Variants in RALGPS2 observed in about 807,000 individuals in gnomAD.
The protein encoded by RALGPS2 is ras-specific guanine nucleotide-releasing factor RalGPS2.
In RALGPS2, 43 loss-of-function variants were observed where a neutral mutation model predicts 86.8. That is an observed-to-expected ratio of 0.50 (90% CI 0.39 to 0.64). The LOEUF (loss-of-function observed/expected upper bound fraction) is 0.64, where lower values mean the gene tolerates loss of function less well. Among genes scored for constraint, RALGPS2 ranks in the 30% least tolerant of loss-of-function variants. The pLI, the probability that RALGPS2 is intolerant of heterozygous loss-of-function variation, is 0.00. For synonymous variants in RALGPS2, 243 were observed against 231.3 expected (o/e 1.05, Z -0.46); for missense variants, 536 against 694.6 (o/e 0.77, Z 2.57).
chr1:178,770,366 T>C (rs142806036), intron 1 of RALGPS2, among the ~76,000 whole-genome samples: 154 of 152,228 alleles, frequency 1.0e-3, no homozygotes, highest in African/African-American at 3.7e-3. Context: ...TCCAAGTGGC[T>C]GATGCATGCT....
At chr1:178,753,829 G>C (rs1651807256) in intron 1 of RALGPS2, 1 of 152,134 alleles carries the variant, frequency 6.6e-6, no homozygotes, top group African/African-American at 2.4e-5. Context: ...AAAATTTGCA[G>C]GTTGAAGGTT....
At chr1:178,791,979 T>C (rs534226534) in intron 4 of RALGPS2, among the ~76,000 whole-genome samples, 3 of 152,358 alleles carry the variant, frequency 2.0e-5, no homozygotes, top group Non-Finnish European at 4.4e-5. Flanking sequence ...GTACAAAGAT[T>C]GTCCTTGGTC....
intron 8 of RALGPS2, among the ~76,000 whole-genome samples, chr1:178,876,841 G>A (rs1242218184): frequency 6.6e-6 from 1 of 152,106 alleles, no homozygotes; most frequent in Non-Finnish European, 1.5e-5. Flanking sequence ...AAAAAGCATG[G>A]AGGGTAAGAA....
chr1:178,785,322 A>C (rs1653597547), intron 3 of RALGPS2, among the ~76,000 whole-genome samples: 1 of 151,894 alleles, frequency 6.6e-6, no homozygotes, highest in African/African-American at 2.4e-5. Flanking sequence ...AAATTTTTAA[A>C]ATTATTTTTA....
intron 8 of RALGPS2, among the ~76,000 whole-genome samples, chr1:178,846,045 T>C (rs1656850484): frequency 6.6e-6 from 1 of 152,214 alleles, no homozygotes; most frequent in Admixed American, 6.5e-5. Context: ...CAGTAGAATA[T>C]AGTTATTTAG....
intron 1 of RALGPS2, among the ~76,000 whole-genome samples, chr1:178,752,818 A>G (rs2102047688): frequency 6.6e-6 from 1 of 152,340 alleles, no homozygotes; most frequent in East Asian, 1.9e-4. Flanking sequence ...GGTCTGTTGT[A>G]GGGGAAGTCA....
chr1:178,796,348 A>G (rs1400394829), intron 4 of RALGPS2, among the ~76,000 whole-genome samples: 1 of 152,208 alleles, frequency 6.6e-6, no homozygotes, highest in African/African-American at 2.4e-5. Context: ...AGATATAGGA[A>G]TAGTAGTGAG....
At position 178,852,675 on chromosome 1, in the gene RALGPS2, A is replaced by G. The variant is rs564307595; in HGVS notation, c.607+19125A>G. 26 of 1,602,972 alleles carry G rather than the reference A, an allele frequency of 1.6e-5. No individual in the cohort carries two copies. In the East Asian group the frequency reaches 5.6e-4, roughly 34 times the overall value. ...ATTCTACAAAGAATGAAAGTTTTTC[A>G]TACTTACCTGCATACATATCTTTAT... is the stretch of plus-strand genomic sequence containing the variant. On this transcript the variant is annotated intron_variant, in intron 8 of 19. Transcript: ENST00000367635.
At chr1:178,883,674 G>T in intron 11 of RALGPS2, 141 bp downstream of exon 11, 1 of 720,032 alleles carries the variant, frequency 1.4e-6, no homozygotes, top group Non-Finnish European at 2.2e-6. Flanking sequence ...GTCCTTTCTG[G>T]GTTTTTTGGT....
At chr1:178,875,391 G>A (rs1658954142) in intron 8 of RALGPS2, among the ~76,000 whole-genome samples, 1 of 152,148 alleles carries the variant, frequency 6.6e-6, no homozygotes, top group Admixed American at 6.5e-5. Flanking sequence ...TTATCTTGAG[G>A]CGTGGGATCA....
chr1:178,762,048 C>T (rs973442538), intron 1 of RALGPS2, among the ~76,000 whole-genome samples: 2 of 152,070 alleles, frequency 1.3e-5, no homozygotes, highest in Non-Finnish European at 2.9e-5. Context: ...GTCAGTTGTT[C>T]CCCTCTTTGT....
intron 8 of RALGPS2, chr1:178,851,346 A>G (rs770335997): frequency 1.3e-6 from 2 of 1,582,786 alleles, no homozygotes; most frequent in African/African-American, 2.7e-5. Context: ...ATATAAATGT[A>G]AAAGTTTCTT....
At chr1:178,831,210 C>T (rs902889143) in intron 7 of RALGPS2, among the ~76,000 whole-genome samples, 2 of 152,134 alleles carry the variant, frequency 1.3e-5, no homozygotes, top group Non-Finnish European at 2.9e-5. Context: ...CATGTGTGTT[C>T]GTTATAAAGT....
chr1:178,895,849 G>GC (rs1659916997), intron 16 of RALGPS2, among the ~76,000 whole-genome samples: 2 of 151,926 alleles, frequency 1.3e-5, no homozygotes. Flanking sequence ...TGTCATTGTG[G>GC]CTGTTGAAAA....
intron 8 of RALGPS2, among the ~76,000 whole-genome samples, chr1:178,835,509 C>T (rs1225337803): frequency 6.6e-6 from 1 of 151,674 alleles, no homozygotes; most frequent in Non-Finnish European, 1.5e-5. Flanking sequence ...TCTCCTGCCT[C>T]AGCCTCCCAG....
At chr1:178,725,879 C>T (rs1479316317) in intron 1 of RALGPS2, 1 of 152,360 alleles carries the variant, frequency 6.6e-6, no homozygotes, top group African/African-American at 2.4e-5. Context: ...TCCCCTGGCC[C>T]TGGCGGCTGC....
intron 1 of RALGPS2, chr1:178,747,633 G>A: frequency 6.4e-7 from 1 of 1,559,688 alleles, no homozygotes; most frequent in South Asian, 1.1e-5. Flanking sequence ...CAACTAAGCT[G>A]GCATTAATAT....
At chr1:178,856,394 A>ATTTTTTCTT (rs1657576301) in intron 8 of RALGPS2, among the ~76,000 whole-genome samples, 1 of 36,432 alleles carries the variant, frequency 2.7e-5, no homozygotes, top group African/African-American at 1.5e-4. Flanking sequence ...TGCCTGGCTA[A>ATTTTTTCTT]TTTTTTTTTT....
chr1:178,862,420 G>C (rs1343342236), intron 8 of RALGPS2, among the ~76,000 whole-genome samples: 1 of 151,712 alleles, frequency 6.6e-6, no homozygotes, highest in Non-Finnish European at 1.5e-5. Flanking sequence ...TAATATAGTT[G>C]GAAAGCCTCT....
Sources: gnomAD v4.1 joint callset for allele counts (sites outside exome capture counted in the v4.1 genomes callset) on GRCh38, gnomAD v4.1.1 for gene constraint, MANE v1.5 for transcripts, NCBI Gene and HGNC (gene_info 2026-07-23, HGNC 2026-07-21) for gene names.